Variants in C19orf33 observed in about 807,000 individuals in gnomAD.
C19orf33 encodes chromosome 19 open reading frame 33.
A neutral mutation model predicts 9.7 loss-of-function variants in C19orf33; 9 were observed. The ratio of observed to expected loss-of-function variants is 0.93; its 90% confidence interval spans 0.56 to 1.61. The LOEUF (loss-of-function observed/expected upper bound fraction) is 1.61, where lower values mean the gene tolerates loss of function less well. C19orf33 is among the 40% of genes most tolerant of loss of function. The pLI, the probability that C19orf33 is intolerant of heterozygous loss-of-function variation, is 0.00. For synonymous variants in C19orf33, 61 were observed against 54.8 expected, an observed-to-expected ratio of 1.11 and a Z score of -0.50; for missense variants, 145 against 137.9, an observed-to-expected ratio of 1.05 and a Z score of -0.26.
rs767655908 is a variant in C19orf33 at position 38,304,840 on chromosome 19, C to T, written c.202-5C>T. ...TCTCTCCCATCCCTGCCCTCGGCCC[C>T]ACAGTCCCACGCTGCTGGCTCCAAG... On this transcript the variant is annotated splice_region_variant and splice_polypyrimidine_tract_variant and intron_variant, in intron 3 of 3. Transcript: ENST00000301246. 3 of 1,613,714 alleles carry T rather than the reference C, an allele frequency of 1.9e-6. No homozygotes were observed. Among genetic ancestry groups the T allele is most frequent in the Non-Finnish European group, 2.5e-6 (3 of 1,179,970 alleles).
rs746951877 is a variant in C19orf33, at chr19:38,304,427, T to A, written c.75T>A (p.Asp25Glu). Reference sequence around the variant, plus strand: ...GTGTGGGGGCGGGCCACGGGGGAGATCCCAAGCTCAGTCCCCACAAAGTTC... The same window carrying A: ...GTGTGGGGGCGGGCCACGGGGGAGAACCCAAGCTCAGTCCCCACAAAGTTC... The part of the protein sequence containing the change: ...KPGVGAGHGG[D>E]PKLSPHKVQG... Residue 25 changes from aspartate (D) to glutamate (E), a missense_variant, in exon 2 of 4, where the codon GAT (aspartate) becomes GAA (glutamate). Physicochemically the swap from Asp to Glu is conservative, Grantham distance 45. Transcript: ENST00000301246. The A allele has an allele frequency of 3.8e-6, 6 of 1,560,370 alleles. No individual in the cohort carries two copies. The East Asian group carries it at 1.4e-4, about 37-fold the overall frequency.
Position 38,304,620 on chromosome 19 carries a change from C to A in C19orf33, c.139-4C>A, listed in dbSNP as rs751396275. Reference sequence around the variant, plus strand: ...CGCCGCCTCACTGCCGCACCTCCATCCAGCAAGGACACCACAGCTCTTCCG... The same window carrying A: ...CGCCGCCTCACTGCCGCACCTCCATACAGCAAGGACACCACAGCTCTTCCG... On this transcript the variant is annotated splice_region_variant and splice_polypyrimidine_tract_variant and intron_variant, in intron 2 of 3. Transcript: ENST00000301246. 6.2e-7 allele frequency: 1 copy of A among 1,613,460 alleles called. No homozygotes were observed. Among genetic ancestry groups the A allele is most frequent in the South Asian group, 1.1e-5 (1 of 91,088 alleles).
In C19orf33 at chr19:38,304,427, T is replaced by C. The variant is rs746951877; in HGVS notation, c.75T>C (p.Asp25=). 1 of 1,560,488 alleles carries C rather than the reference T, an allele frequency of 6.4e-7. No homozygotes were observed. Among genetic ancestry groups the C allele is most frequent in the Admixed American group, 1.9e-5 (1 of 51,436 alleles). ...KPGVGAGHGG[D]PKLSPHKVQG... is the part of the protein sequence containing the mutation. ...GTGTGGGGGCGGGCCACGGGGGAGA[T>C]CCCAAGCTCAGTCCCCACAAAGTTC... is the stretch of plus-strand genomic sequence containing the variant. Residue 25 remains aspartate (D), a synonymous_variant, in exon 2 of 4, where the codon GAT becomes GAC. Coordinates refer to ENST00000301246, the MANE Select transcript of C19orf33 (RefSeq NM_033520.3).
chr19:38,304,759 C>T lies in C19orf33; in HGVS notation c.201+73C>T, dbSNP rs902930734. 3 of 1,611,190 alleles carry T rather than the reference C, an allele frequency of 1.9e-6. No individual in the cohort carries two copies. In the African/African-American group the frequency reaches 4.0e-5, roughly 22 times the overall value. On this transcript the variant is annotated intron_variant, in intron 3 of 3. Coordinates refer to ENST00000301246, the MANE Select transcript of C19orf33 (RefSeq NM_033520.3). Reference sequence around the variant, plus strand: ...AGAGGCGTCCCCGCACTGGGGCTGGCGGGGAGGGTGCGGGGAGTGGTCCCC... The same window carrying T: ...AGAGGCGTCCCCGCACTGGGGCTGGTGGGGAGGGTGCGGGGAGTGGTCCCC...
rs1439883359 is a variant in C19orf33 at position 38,304,934 on chromosome 19, G to C, written c.291G>C (p.Glu97Asp). Residue 97 changes from glutamate (E) to aspartate (D), a missense_variant, in exon 4 of 4, where the codon GAG becomes GAC. By Grantham distance (45) the Glu-to-Asp change is conservative. Coordinates refer to ENST00000301246, the MANE Select transcript of C19orf33 (RefSeq NM_033520.3). ...AGAAGAAGGAGAAGGGCAAGAAGGA[G>C]AAGGGCAAGAAGAAGGAGGCTCCCC... is the stretch of plus-strand genomic sequence containing the variant. ...KVKKKEKGKK[E>D]KGKKKEAPH is the part of the protein sequence containing the mutation. 6.2e-7 allele frequency: 1 copy of C among 1,611,494 alleles called. No homozygotes were observed. The highest frequency in any genetic ancestry group is 2.2e-5 in the East Asian group (1 of 44,664).
intron 3 of C19orf33, 54 bp from the exon 4 acceptor site, chr19:38,304,791 C>T (rs1423620182): frequency 6.2e-6 from 10 of 1,612,714 alleles, no homozygotes; most frequent in African/African-American, 2.7e-5. Flanking sequence ...CCCCCTGTCT[C>T]GCTTCCAGCC....
In C19orf33 at chr19:38,304,412, G is replaced by A. The variant is rs1467079885; in HGVS notation, c.60G>A (p.Ala20=). Residue 20 remains alanine, a synonymous_variant, in exon 2 of 4, where the codon GCG becomes GCA. Coordinates refer to ENST00000301246, the MANE Select transcript of C19orf33 (RefSeq NM_033520.3). ...EPTSQKPGVG[A]GHGGDPKLSP... is the part of the protein sequence containing the mutation. ...CCTCCCAGAAGCCCGGTGTGGGGGC[G>A]GGCCACGGGGGAGATCCCAAGCTCA... 15 of 1,564,422 alleles carry A rather than the reference G, an allele frequency of 9.6e-6. No homozygotes were observed. Among genetic ancestry groups the A allele is most frequent in the South Asian group, 1.2e-5 (1 of 85,590 alleles).
Position 38,304,836 on chromosome 19 carries a change from G to T in C19orf33, c.202-9G>T. The T allele has an allele frequency of 6.2e-7, 1 of 1,613,634 alleles. No homozygotes were observed. Among genetic ancestry groups the T allele is most frequent in the South Asian group, 1.1e-5 (1 of 91,070 alleles). On this transcript the variant is annotated splice_polypyrimidine_tract_variant and intron_variant, in intron 3 of 3. Transcript: ENST00000301246. ...CTCTTCTCTCCCATCCCTGCCCTCG[G>T]CCCCACAGTCCCACGCTGCTGGCTC...
chr19:38,304,297 G>A lies in C19orf33; in HGVS notation c.22+14G>A. On this transcript the variant is annotated intron_variant, in intron 1 of 3. Coordinates refer to ENST00000301246, the MANE Select transcript of C19orf33 (RefSeq NM_033520.3). ...ACCTGGGAGCAGGTGAGCTCCTGGG[G>A]AGTGTGGACTGGAGGTGCAGGGGGC... is the stretch of plus-strand genomic sequence containing the variant. The A allele has an allele frequency of 6.2e-7, 1 of 1,613,744 alleles. No homozygotes were observed. The highest frequency in any genetic ancestry group is 8.5e-7 in the Non-Finnish European group (1 of 1,180,008).
chr19:38,304,633 C>CA lies in C19orf33; in HGVS notation c.149dup (p.His50GlnfsTer?), dbSNP rs1968906219. 6.2e-7 allele frequency: 1 copy of CA among 1,613,466 alleles called. No individual in the cohort carries two copies. Among genetic ancestry groups the CA allele is most frequent in the African/African-American group, 1.3e-5 (1 of 74,928 alleles). On this transcript the variant is annotated frameshift_variant, in exon 3 of 4. Transcript: ENST00000301246. LOFTEE classifies it high-confidence loss of function. ...CCGCACCTCCATCCAGCAAGGACACCACAGCTCTTCCGACTCCAGCAGCAG... is the reference window on the plus strand; with the variant it reads ...CCGCACCTCCATCCAGCAAGGACACCAACAGCTCTTCCGACTCCAGCAGCAG...
At chr19:38,304,321 G>A (rs1048433855) in intron 1 of C19orf33, 38 bp downstream of exon 1, 17 of 1,613,068 alleles carry the variant, frequency 1.1e-5, no homozygotes, top group Admixed American at 8.3e-5. Flanking sequence ...GGTGCAGGGG[G>A]CCGGACTCAA....
chr19:38,304,797 C>T (rs747733072), intron 3 of C19orf33, 48 bp from the exon 4 acceptor site: 1 of 1,613,100 alleles, frequency 6.2e-7, no homozygotes, highest in Non-Finnish European at 8.5e-7. Flanking sequence ...GTCTCGCTTC[C>T]AGCCCAGAAC....
Position 38,304,609 on chromosome 19 carries a change from C to T in C19orf33, c.139-15C>T, listed in dbSNP as rs758653500. The T allele has an allele frequency of 4.3e-6, 7 of 1,613,272 alleles. No individual in the cohort carries two copies. The South Asian group carries it at 6.6e-5, about 15-fold the overall frequency. ...TGGGTAAGGGGCGCCGCCTCACTGC[C>T]GCACCTCCATCCAGCAAGGACACCA... On this transcript the variant is annotated splice_polypyrimidine_tract_variant and intron_variant, in intron 2 of 3. Transcript: ENST00000301246.
In C19orf33 at chr19:38,304,656, C is replaced by G; in HGVS notation, c.171C>G (p.Ser57Arg). The G allele has an allele frequency of 6.2e-7, 1 of 1,613,708 alleles. No individual in the cohort carries two copies. Among genetic ancestry groups the G allele is most frequent in the Non-Finnish European group, 8.5e-7 (1 of 1,180,002 alleles). The change falls in exon 3 of 4, where the codon AGC becomes AGG. Residue 57 changes from serine to arginine, a missense_variant. By Grantham distance (110) the Ser-to-Arg change is moderately radical. Coordinates refer to ENST00000301246, the MANE Select transcript of C19orf33 (RefSeq NM_033520.3). ...ACCACAGCTCTTCCGACTCCAGCAG[C>G]AGCTCCAGCGATTCGGACACGGATG... is the stretch of plus-strand genomic sequence containing the variant. ...QGHHSSSDSSSSSSDSDTDVK... is the reference protein window; with the variant it reads ...QGHHSSSDSSRSSSDSDTDVK...
Position 38,304,465 on chromosome 19 carries a change from A to C in C19orf33, c.113A>C (p.Glu38Ala). The change falls in exon 2 of 4, where the codon GAG becomes GCG. Residue 38 changes from glutamate to alanine, a missense_variant. Transcript: ENST00000301246. ...LSPHKVQGRS[E>A]AGAGPGPKQG... is the part of the protein sequence containing the mutation. ...CCCCACAAAGTTCAGGGCCGGTCGGAGGCAGGGGCAGGTCCGGGTCCAAAG... is the reference window on the plus strand; with the variant it reads ...CCCCACAAAGTTCAGGGCCGGTCGGCGGCAGGGGCAGGTCCGGGTCCAAAG... The C allele has an allele frequency of 6.4e-7, 1 of 1,555,400 alleles. No individual in the cohort carries two copies. The highest frequency in any genetic ancestry group is 1.2e-5 in the South Asian group (1 of 84,928).
At chr19:38,304,759 CGGG>C in intron 3 of C19orf33, 73 bp downstream of exon 3, 1 of 1,611,308 alleles carries the variant, frequency 6.2e-7, no homozygotes. Flanking sequence ...CTGGGGCTGG[CGGG>C]GAGGGTGCGG....
chr19:38,304,455 G>C lies in C19orf33; in HGVS notation c.103G>C (p.Gly35Arg). 1 of 1,556,818 alleles carries C rather than the reference G, an allele frequency of 6.4e-7. No individual in the cohort carries two copies. Among genetic ancestry groups the C allele is most frequent in the Non-Finnish European group, 8.7e-7 (1 of 1,150,728 alleles). The stretch of plus-strand genomic sequence containing the variant: ...CAAGCTCAGTCCCCACAAAGTTCAG[G>C]GCCGGTCGGAGGCAGGGGCAGGTCC... ...DPKLSPHKVQ[G>R]RSEAGAGPGP... The change falls in exon 2 of 4, where the codon GGC becomes CGC. Residue 35 changes from glycine to arginine, a missense_variant. Coordinates refer to ENST00000301246, the MANE Select transcript of C19orf33 (RefSeq NM_033520.3).
intron 2 of C19orf33, 29 bp from the exon 3 acceptor site, chr19:38,304,595 C>A (rs773627820): frequency 3.7e-6 from 6 of 1,612,486 alleles, no homozygotes; most frequent in African/African-American, 1.3e-5. Flanking sequence ...GGGTAAGGGG[C>A]GCCGCCTCAC....
chr19:38,304,418 C>A lies in C19orf33; in HGVS notation c.66C>A (p.His22Gln). ...AGAAGCCCGGTGTGGGGGCGGGCCACGGGGGAGATCCCAAGCTCAGTCCCC... is the reference window on the plus strand; with the variant it reads ...AGAAGCCCGGTGTGGGGGCGGGCCAAGGGGGAGATCCCAAGCTCAGTCCCC... ...TSQKPGVGAG[H>Q]GGDPKLSPHK... The change falls in exon 2 of 4, where the codon CAC (histidine) becomes CAA (glutamine). Residue 22 changes from histidine to glutamine, a missense_variant. By Grantham distance (24) the His-to-Gln change is conservative. Transcript: ENST00000301246. The A allele has an allele frequency of 6.4e-7, 1 of 1,562,662 alleles. No homozygotes were observed. Among genetic ancestry groups the A allele is most frequent in the Non-Finnish European group, 8.7e-7 (1 of 1,154,046 alleles).
Sources: gnomAD v4.1 joint callset for allele counts on GRCh38, gnomAD v4.1.1 for gene constraint, MANE v1.5 for transcripts, NCBI Gene and HGNC (gene_info 2026-07-23, HGNC 2026-07-21) for gene names.